Variants in SLC14A2 observed in about 807,000 individuals in gnomAD.
SLC14A2 encodes the protein urea transporter 2.
A neutral mutation model predicts 104.6 loss-of-function variants in SLC14A2; 91 were observed. That is an observed-to-expected ratio of 0.87 (90% confidence interval 0.73 to 1.04). The LOEUF (loss-of-function observed/expected upper bound fraction) is 1.04, where lower values mean the gene tolerates loss of function less well. SLC14A2 is among the 50% of genes least tolerant of loss of function. The pLI, the probability that SLC14A2 is intolerant of heterozygous loss-of-function variation, is 0.00. For synonymous variants in SLC14A2, 476 were observed against 466.4 expected (o/e 1.02, Z -0.27); for missense variants, 1,189 against 1,156.0 (o/e 1.03, Z -0.41).
Position 45,625,778 on chromosome 18 carries a change from C to A in SLC14A2, c.246C>A (p.Asp82Glu), listed in dbSNP as rs1392918111. ...AAGACGACGGGGTGGCCCATCGGGA[C>A]TCAGCAGGCCAAAGGTGCATCTGCC... ...KRKDDGVAHR[D>E]SAGQRCICLS... The change falls in exon 3 of 20, where the codon GAC becomes GAA. Residue 82 changes from aspartate (D) to glutamate (E), a missense_variant. Physicochemically the swap from Asp to Glu is conservative, Grantham distance 45 (BLOSUM62 2). Transcript: ENST00000255226. 1.3e-6 allele frequency: 2 copies of A among 1,557,726 alleles called. No individual in the cohort carries two copies. Among genetic ancestry groups the A allele is most frequent in the Admixed American group, 2.1e-5 (1 of 48,438 alleles).
chr18:45,582,004 T>C (rs1286746764), intron 2 of SLC14A2, among the ~76,000 whole-genome samples: 2 of 152,200 alleles, frequency 1.3e-5, no homozygotes, highest in Non-Finnish European at 2.9e-5. Flanking sequence ...AGCTCACAGC[T>C]CTAGAGGCTG....
At chr18:45,209,438 A>G (rs1435357813), upstream of SLC14A2, among the ~76,000 whole-genome samples, 1 of 152,172 alleles carries the variant, frequency 6.6e-6, no homozygotes, top group African/African-American at 2.4e-5. Context: ...TTACAGCAGG[A>G]TTTATGAGAC....
chr18:45,490,692 A>G (rs2042981424), intron 2 of SLC14A2, among the ~76,000 whole-genome samples: 1 of 152,226 alleles, frequency 6.6e-6, no homozygotes, highest in South Asian at 2.1e-4. Flanking sequence ...TTGGAGGAGA[A>G]GTTTGCAATG....
intron 1 of SLC14A2, among the ~76,000 whole-genome samples, chr18:45,281,131 A>G (rs1002521661): frequency 2.6e-5 from 4 of 152,232 alleles, no homozygotes; most frequent in African/African-American, 4.8e-5. Context: ...TCCCATCTGT[A>G]TCACAAGCAG....
rs2046272975 is a variant in SLC14A2, at chr18:45,679,011, ACAT to A, written c.2550_2552del (p.Asn850_Met851delinsLys). The A allele has an allele frequency of 6.8e-6, 11 of 1,609,986 alleles. No individual in the cohort carries two copies. The highest frequency in any genetic ancestry group is 9.3e-6 in the Non-Finnish European group (11 of 1,179,168). Reference sequence around the variant, plus strand: ...GCCTACCTGGGTGCTGCCCTGGCTAACATGTTATCTGTGGTGAGTCAACACAGG... The same window carrying A: ...GCCTACCTGGGTGCTGCCCTGGCTAAGTTATCTGTGGTGAGTCAACACAGG... On this transcript the variant is annotated inframe_deletion, in exon 19 of 20. Coordinates refer to ENST00000255226, the MANE Select transcript of SLC14A2 (RefSeq NM_007163.4).
intron 1 of SLC14A2, among the ~76,000 whole-genome samples, chr18:45,617,921 G>A (rs777046774): frequency 1.3e-5 from 2 of 152,156 alleles, no homozygotes; most frequent in African/African-American, 4.8e-5. Context: ...CAGAGTGAAG[G>A]ACAATCAAGC....
intron 1 of SLC14A2, among the ~76,000 whole-genome samples, chr18:45,362,533 C>A (rs995898856): frequency 2.0e-4 from 31 of 152,314 alleles, no homozygotes; most frequent in African/African-American, 7.0e-4. Flanking sequence ...AAATTACAGA[C>A]AAAGTGACAT....
chr18:45,331,835 C>T (rs2085294197), intron 1 of SLC14A2, among the ~76,000 whole-genome samples: 2 of 152,122 alleles, frequency 1.3e-5, no homozygotes, highest in Non-Finnish European at 2.9e-5. Context: ...AAACACAAAA[C>T]ACTCAGACCT....
At chr18:45,277,942 C>A (rs536653542) in intron 1 of SLC14A2, among the ~76,000 whole-genome samples, 2 of 152,148 alleles carry the variant, frequency 1.3e-5, no homozygotes, top group South Asian at 2.1e-4. Flanking sequence ...AGTAAGTACA[C>A]GCTGCTTTTA....
chr18:45,323,953 G>C (rs917355183), intron 1 of SLC14A2, among the ~76,000 whole-genome samples: 1 of 152,094 alleles, frequency 6.6e-6, no homozygotes, highest in Non-Finnish European at 1.5e-5. Context: ...CATGTAACAC[G>C]CATGCACTGG....
the SLC14A2 span, among the ~76,000 whole-genome samples, chr18:45,176,108 C>G: frequency 1.2e-4 from 18 of 152,216 alleles, no homozygotes; most frequent in Admixed American, 9.8e-4. Context: ...TGGCTGTCCG[C>G]CTCTGCCAAC....
rs764077529 is a variant in SLC14A2, at chr18:45,632,338, T to C, written c.522-12T>C. 12 of 1,609,870 alleles carry C rather than the reference T, an allele frequency of 7.5e-6. No individual in the cohort carries two copies. The highest frequency in any genetic ancestry group is 9.3e-6 in the Non-Finnish European group (11 of 1,178,388). Reference sequence around the variant, plus strand: ...CAACTTCAAATGCAAAATCAGTCTGTTTCACCGCCAGGTCTGCCATTGCCT... The same window carrying C: ...CAACTTCAAATGCAAAATCAGTCTGCTTCACCGCCAGGTCTGCCATTGCCT... On this transcript the variant is annotated splice_polypyrimidine_tract_variant and intron_variant, in intron 4 of 19. Coordinates refer to ENST00000255226, the MANE Select transcript of SLC14A2 (RefSeq NM_007163.4).
In SLC14A2 at chr18:45,595,408, T is replaced by G. The variant is rs529787320; in HGVS notation, c.-34-29223T>G. On this transcript the variant is annotated intron_variant, in intron 2 of 20. Transcript: ENST00000586448. ...ATTTGTATTCCCCATTTTGCTGGGT[T>G]TTTTTTTTTTTAAGCTGAAGCATGG... Among the ~76,000 whole-genome samples, 412 of 124,028 alleles carry G rather than the reference T, an allele frequency of 3.3e-3. 10 individuals carry two copies. Among genetic ancestry groups the G allele is most frequent in the Admixed American group, 0.023 (280 of 12,038 alleles). 81.4% of individuals were successfully genotyped at this position (124,028 alleles called of 152,430 possible).
the SLC14A2 span, among the ~76,000 whole-genome samples, chr18:45,170,838 C>G: frequency 1.3e-5 from 2 of 152,036 alleles, no homozygotes; most frequent in Non-Finnish European, 2.9e-5. Flanking sequence ...GGGAGCAAGT[C>G]CATCAGTTGT....
chr18:45,318,821 G>C (rs755865881), intron 1 of SLC14A2, among the ~76,000 whole-genome samples: 85 of 152,052 alleles, frequency 5.6e-4, no homozygotes, highest in Non-Finnish European at 1.1e-3. Flanking sequence ...TCCTCCCCAG[G>C]CTGGGACATC....
intron 2 of SLC14A2, among the ~76,000 whole-genome samples, chr18:45,562,488 G>A (rs908668135): frequency 6.6e-6 from 1 of 152,172 alleles, no homozygotes; most frequent in African/African-American, 2.4e-5. Context: ...CTGGCAGGGG[G>A]ACAGCAGGAG....
chr18:45,600,139 AAGC>A (rs1283322181), intron 2 of SLC14A2, among the ~76,000 whole-genome samples: 1 of 152,350 alleles, frequency 6.6e-6, no homozygotes, highest in East Asian at 1.9e-4. Flanking sequence ...CTTGTTAAAA[AAGC>A]AGAGAAAATA....
intron 10 of SLC14A2, among the ~76,000 whole-genome samples, chr18:45,658,110 C>CT (rs1290322036): frequency 2.6e-5 from 4 of 152,132 alleles, no homozygotes; most frequent in Non-Finnish European, 4.4e-5. Flanking sequence ...AGGAAATTGC[C>CT]TTGTGGTGTG....
At chr18:45,365,356 G>T (rs1337635186) in intron 1 of SLC14A2, among the ~76,000 whole-genome samples, 1 of 152,228 alleles carries the variant, frequency 6.6e-6, no homozygotes, top group Non-Finnish European at 1.5e-5. Context: ...TAGGGTTGCT[G>T]CAGAATCCAA....
Sources: gnomAD v4.1 joint callset for allele counts (sites outside exome capture counted in the v4.1 genomes callset) on GRCh38, gnomAD v4.1.1 for gene constraint, MANE v1.5 for transcripts, NCBI Gene and HGNC (gene_info 2026-07-23, HGNC 2026-07-21) for gene names.